UBE2G1: variants seen among roughly 807,000 people sequenced by gnomAD.
The protein encoded by UBE2G1 is ubiquitin-conjugating enzyme E2 G1.
Under a neutral mutation model 22.7 loss-of-function variants are expected in UBE2G1, and 5 were observed. The observed-to-expected ratio is 0.22, with a 90% confidence interval of 0.12 to 0.46. The LOEUF is 0.46. UBE2G1 is among the 20% of genes least tolerant of loss of function. UBE2G1 has a pLI of 0.99. For synonymous variants in UBE2G1, 74 were observed against 67.5 expected (o/e 1.10, Z -0.47); for missense variants, 88 against 203.9 (o/e 0.43, Z 3.46).
intron 1 of UBE2G1, among the ~76,000 whole-genome samples, chr17:4,356,005 G>T (rs1191887588): frequency 3.6e-5 from 5 of 137,346 alleles, no homozygotes; most frequent in African/African-American, 1.4e-4. Flanking sequence ...TGGCAGAGTA[G>T]CCAGTCTTTA....
chr17:4,301,091 T>A (rs1440814986), intron 2 of UBE2G1, among the ~76,000 whole-genome samples: 1 of 152,236 alleles, frequency 6.6e-6, no homozygotes, highest in Non-Finnish European at 1.5e-5. Flanking sequence ...CCTACCATAC[T>A]GCCATATTTA....
At chr17:4,279,701 G>A (rs1968860200) in intron 5 of UBE2G1, among the ~76,000 whole-genome samples, 1 of 151,148 alleles carries the variant, frequency 6.6e-6, no homozygotes, top group Non-Finnish European at 1.5e-5. Flanking sequence ...CTTGAACCCA[G>A]GAGACGGAGA....
chr17:4,340,719 G>A (rs566269623), intron 1 of UBE2G1, among the ~76,000 whole-genome samples: 117 of 151,810 alleles, frequency 7.7e-4, no homozygotes, highest in Non-Finnish European at 1.4e-3. Flanking sequence ...ATCCAGTCTC[G>A]GGCAGTTCTT....
intron 5 of UBE2G1, among the ~76,000 whole-genome samples, chr17:4,279,487 G>T (rs1264243194): frequency 6.6e-6 from 1 of 152,028 alleles, no homozygotes; most frequent in Non-Finnish European, 1.5e-5. Flanking sequence ...AATTTCAATG[G>T]ATTCAACACA....
chr17:4,317,556 T>A (rs1233007791), intron 1 of UBE2G1, among the ~76,000 whole-genome samples: 1 of 152,176 alleles, frequency 6.6e-6, no homozygotes, highest in African/African-American at 2.4e-5. Flanking sequence ...CCACCCAATT[T>A]ATTTTACTGT....
intron 5 of UBE2G1, among the ~76,000 whole-genome samples, chr17:4,278,009 C>A (rs1968841309): frequency 6.6e-6 from 1 of 152,052 alleles, no homozygotes; most frequent in African/African-American, 2.4e-5. Context: ...AAGTGATTCT[C>A]CTGCGTCAGC....
intron 5 of UBE2G1, among the ~76,000 whole-genome samples, chr17:4,274,719 C>G (rs1220137606): frequency 1.3e-5 from 2 of 152,090 alleles, no homozygotes; most frequent in African/African-American, 4.8e-5. Flanking sequence ...CACGTATGCA[C>G]ATACATATTT....
intron 5 of UBE2G1, among the ~76,000 whole-genome samples, chr17:4,276,568 T>C (rs1404648000): frequency 6.6e-6 from 1 of 152,248 alleles, no homozygotes; most frequent in Admixed American, 6.5e-5. Context: ...GCATTCTATG[T>C]GTTCCTTCTT....
At chr17:4,322,028 T>C (rs919962594) in intron 1 of UBE2G1, among the ~76,000 whole-genome samples, 1 of 152,190 alleles carries the variant, frequency 6.6e-6, no homozygotes, top group Non-Finnish European at 1.5e-5. Context: ...TGTCTACATT[T>C]TGAAATGCAA....
intron 4 of UBE2G1, among the ~76,000 whole-genome samples, chr17:4,288,866 T>G (rs577798565): frequency 6.6e-6 from 1 of 152,090 alleles, no homozygotes; most frequent in South Asian, 2.1e-4. Flanking sequence ...CAAAACAACA[T>G]GTTGTATACA....
intron 5 of UBE2G1, among the ~76,000 whole-genome samples, chr17:4,280,702 A>C (rs567840161): frequency 6.9e-6 from 1 of 145,956 alleles, no homozygotes; most frequent in South Asian, 2.2e-4. Context: ...CAGTGGTGTG[A>C]TCTCGGCTCA....
At chr17:4,300,519 G>A (rs1035890468) in intron 2 of UBE2G1, among the ~76,000 whole-genome samples, 2 of 150,974 alleles carry the variant, frequency 1.3e-5, no homozygotes, top group Non-Finnish European at 2.9e-5. Flanking sequence ...CTCCAGCCTG[G>A]GCCACAAAGC....
intron 1 of UBE2G1, among the ~76,000 whole-genome samples, chr17:4,358,755 C>A (rs779199198): frequency 1.2e-4 from 19 of 152,014 alleles, no homozygotes; most frequent in Non-Finnish European, 2.4e-4. Flanking sequence ...AGTTCAAGAC[C>A]AGCCTGACTA....
At chr17:4,298,611 C>CA (rs568185679) in intron 2 of UBE2G1, among the ~76,000 whole-genome samples, 19 of 152,006 alleles carry the variant, frequency 1.2e-4, no homozygotes, top group Non-Finnish European at 1.8e-4. Context: ...CCACAGGACT[C>CA]AGAGTATAAA....
intron 1 of UBE2G1, among the ~76,000 whole-genome samples, chr17:4,350,290 G>C (rs1291049599): frequency 6.6e-6 from 1 of 151,902 alleles, no homozygotes; most frequent in African/African-American, 2.4e-5. Flanking sequence ...GTGAAACCTC[G>C]TCTCTACCAA....
At chr17:4,327,581 C>T (rs1175287058) in intron 1 of UBE2G1, among the ~76,000 whole-genome samples, 2 of 152,018 alleles carry the variant, frequency 1.3e-5, no homozygotes, top group Non-Finnish European at 1.5e-5. Context: ...GAGGAGTTAC[C>T]GGTTTGTGTG....
chr17:4,334,839 T>G (rs907937601), intron 1 of UBE2G1, among the ~76,000 whole-genome samples: 7 of 152,124 alleles, frequency 4.6e-5, no homozygotes, highest in Admixed American at 2.0e-4. Flanking sequence ...GTTTTTACTG[T>G]TAAGTAAAAG....
At chr17:4,359,567 C>G (rs1567531890) in intron 1 of UBE2G1, among the ~76,000 whole-genome samples, 2 of 152,204 alleles carry the variant, frequency 1.3e-5, no homozygotes, top group African/African-American at 4.8e-5. Context: ...AATGGAACAG[C>G]ACTGATAAAA....
At chr17:4,318,176 T>C (rs1231808750) in intron 1 of UBE2G1, among the ~76,000 whole-genome samples, 1 of 152,186 alleles carries the variant, frequency 6.6e-6, no homozygotes, top group Non-Finnish European at 1.5e-5. Context: ...CAGCTTAAGG[T>C]ACAATAAATG....
Sources: allele counts gnomAD v4.1 joint callset (sites outside exome capture counted in the v4.1 genomes callset), GRCh38; gene constraint gnomAD v4.1.1; transcripts MANE v1.5; gene names NCBI Gene and HGNC (gene_info 2026-07-23, HGNC 2026-07-21).